Variants in CAMTA1 observed in about 807,000 individuals in gnomAD.
CAMTA1 encodes calmodulin binding transcription activator 1.
Under a neutral mutation model 170.9 loss-of-function variants are expected in CAMTA1, and 27 were observed. That is an observed-to-expected ratio of 0.16 (90% CI 0.12 to 0.22). The LOEUF is 0.22. Among genes scored for constraint, CAMTA1 ranks in the 10% least tolerant of loss-of-function variants. The pLI is 1.00. For missense variants in CAMTA1, 1,619 were observed against 2,217.2 expected (o/e 0.73, Z 5.42); for synonymous variants, 833 against 891.5 (o/e 0.93, Z 1.17).
intron 5 of CAMTA1, among the ~76,000 whole-genome samples, chr1:7,416,186 C>T (rs1456452264): frequency 1.3e-5 from 2 of 152,020 alleles, no homozygotes; most frequent in African/African-American, 4.8e-5. Flanking sequence ...TCTGGCTGCC[C>T]TTAATATTTT....
intron 5 of CAMTA1, among the ~76,000 whole-genome samples, chr1:7,334,801 C>T (rs77688460): frequency 1.6e-3 from 250 of 152,180 alleles, no homozygotes; most frequent in African/African-American, 5.9e-3. Context: ...CAAATGAAGC[C>T]CAGCAGAATC....
At chr1:7,415,515 G>A (rs1214469891) in intron 5 of CAMTA1, among the ~76,000 whole-genome samples, 1 of 152,050 alleles carries the variant, frequency 6.6e-6, no homozygotes, top group East Asian at 1.9e-4. Context: ...ATTATGTAAT[G>A]GCCTTCTTTG....
intron 3 of CAMTA1, among the ~76,000 whole-genome samples, chr1:7,057,903 C>T (rs1465451439): frequency 1.3e-5 from 2 of 152,192 alleles, no homozygotes; most frequent in Admixed American, 1.3e-4. Flanking sequence ...TGAGGATGCC[C>T]CCTTCTCTGG....
At chr1:7,312,204 A>T (rs1676835741) in intron 5 of CAMTA1, among the ~76,000 whole-genome samples, 1 of 151,984 alleles carries the variant, frequency 6.6e-6, no homozygotes, top group African/African-American at 2.4e-5. Context: ...ATTGTGAGAG[A>T]GTTTCCCTTC....
chr1:7,409,313 C>T lies in CAMTA1; in HGVS notation c.439-58517C>T, dbSNP rs576979187. On this transcript the variant is annotated intron_variant, in intron 5 of 22. Transcript: ENST00000303635. Reference sequence around the variant, plus strand: ...TTCTTCTTGGAGGGAGGAGAGCCCACTGTCAGCCCAAGATGTCCGGAGACC... The same window carrying T: ...TTCTTCTTGGAGGGAGGAGAGCCCATTGTCAGCCCAAGATGTCCGGAGACC... Among the ~76,000 whole-genome samples, 3 of 152,374 alleles carry T rather than the reference C, an allele frequency of 2.0e-5. No individual in the cohort carries two copies. The South Asian group carries it at 6.2e-4, about 32-fold the overall frequency.
chr1:7,337,329 G>A (rs758533152), intron 5 of CAMTA1, among the ~76,000 whole-genome samples: 2 of 152,220 alleles, frequency 1.3e-5, no homozygotes, highest in African/African-American at 2.4e-5. Flanking sequence ...CATTGCAGTG[G>A]TTCATTTCAT....
At chr1:7,480,872 C>A (rs527928481) in intron 6 of CAMTA1, among the ~76,000 whole-genome samples, 1 of 152,164 alleles carries the variant, frequency 6.6e-6, no homozygotes, top group African/African-American at 2.4e-5. Context: ...AGATTTTTAC[C>A]CGACTCAACA....
At chr1:7,684,245 G>A (rs902919277) in intron 11 of CAMTA1, among the ~76,000 whole-genome samples, 19 of 152,324 alleles carry the variant, frequency 1.2e-4, no homozygotes, top group African/African-American at 2.4e-4. Context: ...CCCAGGACTC[G>A]GGCAGATGCA....
chr1:7,656,517 G>C (rs2095904477), intron 7 of CAMTA1, among the ~76,000 whole-genome samples: 2 of 152,244 alleles, frequency 1.3e-5, no homozygotes, highest in Admixed American at 1.3e-4. Context: ...TTGGTGGTTA[G>C]GGCTTCAACC....
At chr1:7,089,825 G>A (rs1641249699) in intron 3 of CAMTA1, among the ~76,000 whole-genome samples, 1 of 152,180 alleles carries the variant, frequency 6.6e-6, no homozygotes, top group African/African-American at 2.4e-5. Context: ...ATCATGAATA[G>A]TTAGGGAGGG....
At chr1:7,221,342 C>T (rs1330305337) in intron 4 of CAMTA1, among the ~76,000 whole-genome samples, 1 of 152,076 alleles carries the variant, frequency 6.6e-6, no homozygotes, top group East Asian at 1.9e-4. Context: ...CTACCTTGTG[C>T]CAGAGACTGT....
At chr1:7,632,301 G>GCC (rs1051525151) in intron 6 of CAMTA1, among the ~76,000 whole-genome samples, 1 of 152,190 alleles carries the variant, frequency 6.6e-6, no homozygotes, top group Non-Finnish European at 1.5e-5. Context: ...AGGCAGGCCC[G>GCC]CCCCCCGCGC....
intron 1 of CAMTA1, among the ~76,000 whole-genome samples, chr1:6,793,752 A>G (rs1201306677): frequency 2.6e-5 from 4 of 152,230 alleles, no homozygotes; most frequent in Non-Finnish European, 5.9e-5. Context: ...AGTTTTGAAA[A>G]AAAGTTATTG....
chr1:6,834,660 C>G (rs1342240847), intron 3 of CAMTA1: 1 of 157,004 alleles, frequency 6.4e-6, no homozygotes, highest in Non-Finnish European at 1.4e-5. Flanking sequence ...TTTTTTGAGA[C>G]AGAGTCGTGC....
In CAMTA1 at chr1:7,455,657, C is replaced by T. The variant is rs1184324243; in HGVS notation, c.439-12173C>T. On this transcript the variant is annotated intron_variant, in intron 5 of 22. Coordinates refer to ENST00000303635, the MANE Select transcript of CAMTA1 (RefSeq NM_015215.4). This position sits in a 1 kb window ranked among gnomAD's most constrained non-coding sequence, Gnocchi z 5.0. ...GAGTGTGCCGTGGATACCTACGTGG[C>T]GTCACAGGTGCCTAGAGCGGGCGGC... Among the ~76,000 whole-genome samples the T allele has an allele frequency of 1.3e-5, 2 of 152,224 alleles. No homozygotes were observed. The highest frequency in any genetic ancestry group is 1.9e-4 in the East Asian group (1 of 5,194).
At chr1:7,704,799 T>G (rs943291537) in intron 11 of CAMTA1, among the ~76,000 whole-genome samples, 15 of 141,608 alleles carry the variant, frequency 1.1e-4, no homozygotes, top group Admixed American at 5.5e-4. Context: ...GGGGCCGGGC[T>G]GGGCCGGGCC....
At chr1:7,415,898 T>C (rs1021280387) in intron 5 of CAMTA1, among the ~76,000 whole-genome samples, 237 of 152,158 alleles carry the variant, frequency 1.6e-3, no homozygotes, top group Middle Eastern at 0.01. Context: ...TGGCTGGTAC[T>C]GGTTGTTCCT....
rs1171833919 is a variant in CAMTA1, at chr1:7,093,238, G to A, written c.302+1867G>A. ...GGGTTTCTGATTCAGCAGGTGCGGTGCAGGGGGCCTGAACATGTGTTATTT... is the reference window on the plus strand; with the variant it reads ...GGGTTTCTGATTCAGCAGGTGCGGTACAGGGGGCCTGAACATGTGTTATTT... On this transcript the variant is annotated intron_variant, in intron 4 of 22. Coordinates refer to ENST00000303635, the MANE Select transcript of CAMTA1 (RefSeq NM_015215.4). The surrounding 1 kb of genome is among the most constrained non-coding windows in gnomAD (Gnocchi z 4.6). Among the ~76,000 whole-genome samples, 2 of 152,170 alleles carry A rather than the reference G, an allele frequency of 1.3e-5. No individual in the cohort carries two copies. Among genetic ancestry groups the A allele is most frequent in the Non-Finnish European group, 2.9e-5 (2 of 68,034 alleles).
At chr1:7,597,071 G>C (rs58645827) in intron 6 of CAMTA1, among the ~76,000 whole-genome samples, 3,839 of 152,170 alleles carry the variant, frequency 0.025, 181 homozygotes, top group African/African-American at 0.088. Flanking sequence ...GCCCCTTGCT[G>C]ACGTCCACCA....
Sources: allele counts gnomAD v4.1 joint callset (sites outside exome capture counted in the v4.1 genomes callset), GRCh38; gene constraint gnomAD v4.1.1; non-coding constraint Gnocchi (gnomAD v3.1); transcripts MANE v1.5; gene names NCBI Gene and HGNC (gene_info 2026-07-23, HGNC 2026-07-21).